Variants in TMF1 observed in about 807,000 individuals in gnomAD.
TMF1 encodes the protein TATA element modulatory factor.
Under a neutral mutation model 126.5 loss-of-function variants are expected in TMF1, and 71 were observed. That is an observed-to-expected ratio of 0.56 (90% CI 0.46 to 0.68). The LOEUF (loss-of-function observed/expected upper bound fraction) is 0.68, where lower values mean the gene tolerates loss of function less well. Ranked by LOEUF, TMF1 falls within the 30% of genes least tolerant of loss-of-function variation. The probability of loss-of-function intolerance (pLI) is 0.00; values close to 1 mark genes in which losing one functional copy is unlikely to be tolerated. For missense variants in TMF1, 1,259 were observed against 1,253.2 expected (o/e 1.00, Z -0.07); for synonymous variants, 461 against 430.5 (o/e 1.07, Z -0.88).
chr3:69,023,190 T>C lies in TMF1; in HGVS notation c.3269A>G (p.Gln1090Arg), dbSNP rs2091749224. The C allele has an allele frequency of 1.9e-6, 3 of 1,610,376 alleles. No individual in the cohort carries two copies. In the East Asian group the frequency reaches 6.7e-5, roughly 36 times the overall value. ...AATTTTCACAAGTTAACTGAGACTT[T>C]GTCTTAAAAGTTCATCTATTTGAGT... ...YKTQIDELLRQSLS is the reference protein window; with the variant it reads ...YKTQIDELLRRSLS The change falls in exon 17 of 17, where the codon CAA becomes CGA. Residue 1090 changes from glutamine to arginine, a missense_variant. Transcript: ENST00000398559.
Position 69,044,534 on chromosome 3 carries a change from T to G in TMF1, c.1409A>C (p.Lys470Thr), listed in dbSNP as rs2091884785. 1 of 1,606,960 alleles carries G rather than the reference T, an allele frequency of 6.2e-7. No individual in the cohort carries two copies. The highest frequency in any genetic ancestry group is 1.1e-5 in the South Asian group (1 of 89,172). ...AGCTTCTTCTAGAAGTGCTTTTTCC[T>G]TACTAAGAGATAATAACTGAGCCTC... is the stretch of plus-strand genomic sequence containing the variant. ...KREAQLLSLS[K>T]EKALLEEAFD... Residue 470 changes from lysine to threonine, a missense_variant, in exon 3 of 17, where the codon AAG (lysine) becomes ACG (threonine). Physicochemically the swap from Lys to Thr is moderately conservative, Grantham distance 78 (BLOSUM62 -1). Transcript: ENST00000398559.
In TMF1 at chr3:69,022,946, C is replaced by A; in HGVS notation, c.*231G>T. 2 of 368,158 alleles carry A rather than the reference C, an allele frequency of 5.4e-6. No individual in the cohort carries two copies. The highest frequency in any genetic ancestry group is 4.8e-6 in the Non-Finnish European group (1 of 207,432). 22.8% of individuals were successfully genotyped at this position (368,158 alleles called of 1,614,324 possible). A position where few individuals can be genotyped will look rare whatever the true frequency, so the allele number is the denominator to read the frequency against. On this transcript the variant is annotated 3_prime_UTR_variant, in exon 17 of 17. Transcript: ENST00000398559. ...GCTATTCAAGGAAAAAAAATGAATG[C>A]TTTAAAAAATAAATCTTTAAAGAAT...
intron 10 of TMF1, among the ~76,000 whole-genome samples, chr3:69,031,773 G>A (rs2091804552): frequency 6.6e-6 from 1 of 152,104 alleles, no homozygotes; most frequent in South Asian, 2.1e-4. Context: ...CATAGCTATG[G>A]TCTTTTTAAT....
At position 69,047,562 on chromosome 3, in the gene TMF1, A is replaced by T; in HGVS notation, c.1143T>A (p.Asn381Lys). The change falls in exon 2 of 17, where the codon AAT (asparagine) becomes AAA (lysine). Residue 381 changes from asparagine (N) to lysine (K), a missense_variant. By Grantham distance (94) the Asn-to-Lys change is moderately conservative (BLOSUM62 0). Coordinates refer to ENST00000398559, the MANE Select transcript of TMF1 (RefSeq NM_007114.3). ...ESAEGKSEEV[N>K]ETLVIPTEEA... Reference sequence around the variant, plus strand: ...CCTCAGTGGGTATAACTAATGTTTCATTTACTTCTTCAGATTTTCCTTCAG... The same window carrying T: ...CCTCAGTGGGTATAACTAATGTTTCTTTTACTTCTTCAGATTTTCCTTCAG... The T allele has an allele frequency of 6.2e-7, 1 of 1,614,126 alleles. No individual in the cohort carries two copies. The highest frequency in any genetic ancestry group is 8.5e-7 in the Non-Finnish European group (1 of 1,180,020).
At chr3:69,044,164 A>G (rs11128110) in intron 3 of TMF1, among the ~76,000 whole-genome samples, 43,496 of 152,080 alleles carry the variant, frequency 0.29, 6,505 homozygotes, top group East Asian at 0.53. Context: ...ATCTTCTTGT[A>G]TCACATTTTC....
At position 69,035,639 on chromosome 3, in the gene TMF1, T is replaced by C. The variant is rs117799293; in HGVS notation, c.2152-524A>G. Among the ~76,000 whole-genome samples the C allele has an allele frequency of 1.1e-3, 163 of 152,324 alleles. 3 individuals carry two copies. In the East Asian group the frequency reaches 0.027, roughly 26 times the overall value. On this transcript the variant is annotated intron_variant, in intron 8 of 16. Coordinates refer to ENST00000398559, the MANE Select transcript of TMF1 (RefSeq NM_007114.3). ...AAATACACAGGGATATTCCCTACAG[T>C]ATTAAATAGGCTAGCAAAAACAAAA...
In TMF1 at chr3:69,048,030, T is replaced by C. The variant is rs2091905807; in HGVS notation, c.675A>G (p.Ile225Met). Reference sequence around the variant, plus strand: ...GTTTTTGTTCCTTAGGTTCCAAAGCTATGTCCTTTGTTTCTGCTGTGAGAG... The same window carrying C: ...GTTTTTGTTCCTTAGGTTCCAAAGCCATGTCCTTTGTTTCTGCTGTGAGAG... ...TQSLTAETKD[I>M]ALEPKEQKHE... The change falls in exon 2 of 17, where the codon ATA (isoleucine) becomes ATG (methionine). Residue 225 changes from isoleucine (I) to methionine (M), a missense_variant. Physicochemically the swap from Ile to Met is conservative, Grantham distance 10. Transcript: ENST00000398559. 6.2e-7 allele frequency: 1 copy of C among 1,614,072 alleles called. No individual in the cohort carries two copies. The highest frequency in any genetic ancestry group is 8.5e-7 in the Non-Finnish European group (1 of 1,180,038).
At chr3:69,046,032 A>C (rs2091894083) in intron 2 of TMF1, among the ~76,000 whole-genome samples, 1 of 151,886 alleles carries the variant, frequency 6.6e-6, no homozygotes. Context: ...CACCAGCCTG[A>C]GCAACAAAGA....
Position 69,038,995 on chromosome 3 carries a change from T to C in TMF1, c.1842A>G (p.Lys614=). Residue 614 remains lysine, a synonymous_variant, in exon 7 of 17, where the codon AAA becomes AAG. Coordinates refer to ENST00000398559, the MANE Select transcript of TMF1 (RefSeq NM_007114.3). The part of the protein sequence containing the change: ...LQHLKQVLDG[K]EEVEKQHREN... ...CTCTATGTTGTTTCTCAACCTCTTC[T>C]TTGCCATCAAGGACCTATATGTTAT... The C allele has an allele frequency of 6.3e-7, 1 of 1,594,646 alleles. No individual in the cohort carries two copies. The highest frequency in any genetic ancestry group is 2.2e-5 in the East Asian group (1 of 44,626).
chr3:69,023,079 ACTTT>A lies in TMF1; in HGVS notation c.*94_*97del. 4.1e-6 allele frequency: 5 copies of A among 1,214,148 alleles called. No individual in the cohort carries two copies. In the South Asian group the frequency reaches 6.6e-5, roughly 16 times the overall value. 75.2% of individuals were successfully genotyped at this position (1,214,148 alleles called of 1,614,324 possible). The stretch of plus-strand genomic sequence containing the variant: ...ATTTTTACACTCTACAGTAAATCCC[ACTTT>A]CTAATTCTATAAAAGAATTTATTGG... On this transcript the variant is annotated 3_prime_UTR_variant, in exon 17 of 17. Transcript: ENST00000398559.
chr3:69,030,104 GC>G, intron 10 of TMF1, 97 bp from the exon 11 acceptor site: 1 of 1,068,252 alleles, frequency 9.4e-7, no homozygotes, highest in Non-Finnish European at 1.3e-6. Context: ...GATGCAAGTA[GC>G]CACACTTAAA....
chr3:69,052,159 G>A lies in TMF1; in HGVS notation c.-73C>T. On this transcript the variant is annotated 5_prime_UTR_variant, in exon 1 of 17. Coordinates refer to ENST00000398559, the MANE Select transcript of TMF1 (RefSeq NM_007114.3). ...CCTCAGGCCTGGGGAAGGGTGCAGA[G>A]GAACGGCTTCGCTCCCCTTTTCCAC... The A allele has an allele frequency of 2.0e-6, 3 of 1,478,052 alleles. No individual in the cohort carries two copies. The highest frequency in any genetic ancestry group is 2.7e-6 in the Non-Finnish European group (3 of 1,109,582). 91.6% of individuals were successfully genotyped at this position (1,478,052 alleles called of 1,614,324 possible).
At chr3:69,038,392 A>G (rs1167684811) in intron 8 of TMF1, among the ~76,000 whole-genome samples, 172 bp downstream of exon 8, 2 of 152,230 alleles carry the variant, frequency 1.3e-5, no homozygotes, top group Non-Finnish European at 2.9e-5. Context: ...TCACGTAAGC[A>G]TTACTTTAAC....
chr3:69,048,324 T>C lies in TMF1; in HGVS notation c.381A>G (p.Glu127=), dbSNP rs766002872. The stretch of plus-strand genomic sequence containing the variant: ...ATTCATGTAAGCTGCTTTTCACTTC[T>C]TCTTCTGGTCGTTGTGATTTTGCTG... The part of the protein sequence containing the change: ...KPPAKSQRPE[E]EVKSSLHESL... Residue 127 remains glutamate, a synonymous_variant, in exon 2 of 17, where the codon GAA becomes GAG. Coordinates refer to ENST00000398559, the MANE Select transcript of TMF1 (RefSeq NM_007114.3). 6.2e-7 allele frequency: 1 copy of C among 1,614,234 alleles called. No individual in the cohort carries two copies. The highest frequency in any genetic ancestry group is 8.5e-7 in the Non-Finnish European group (1 of 1,180,046).
chr3:69,039,187 G>C (rs1282905901), intron 6 of TMF1, among the ~76,000 whole-genome samples, 178 bp from the exon 7 acceptor site: 1 of 152,110 alleles, frequency 6.6e-6, no homozygotes, highest in African/African-American at 2.4e-5. Context: ...CCAGCTTCAG[G>C]CAATTTTCGT....
intron 9 of TMF1, chr3:69,033,917 A>C: frequency 2.5e-6 from 1 of 393,672 alleles, no homozygotes; most frequent in Non-Finnish European, 4.5e-6. Flanking sequence ...TGTAGCCTCA[A>C]CCTCCTAGGC....
At chr3:69,039,129 C>G in intron 6 of TMF1, 120 bp from the exon 7 acceptor site, 1 of 916,376 alleles carries the variant, frequency 1.1e-6, no homozygotes, top group Non-Finnish European at 1.5e-6. Context: ...CAAAGTCTCG[C>G]TCTATTGCCC....
intron 5 of TMF1, chr3:69,042,542 T>C (rs1034331178): frequency 1.8e-6 from 1 of 569,592 alleles, no homozygotes; most frequent in Admixed American, 2.2e-5. Flanking sequence ...TGTTTAAAGT[T>C]TTCTTAGGGC....
intron 4 of TMF1, among the ~76,000 whole-genome samples, chr3:69,043,488 G>A (rs1474530452): frequency 1.3e-5 from 2 of 152,004 alleles, no homozygotes; most frequent in Non-Finnish European, 2.9e-5. Context: ...GTATTTTTTA[G>A]TAGAGGCAGG....
Sources: allele counts gnomAD v4.1 joint callset (sites outside exome capture counted in the v4.1 genomes callset), GRCh38; gene constraint gnomAD v4.1.1; transcripts MANE v1.5; gene names NCBI Gene and HGNC (gene_info 2026-07-23, HGNC 2026-07-21).